A1CF: variants seen among roughly 807,000 people sequenced by gnomAD.
The protein encoded by A1CF is APOBEC1 complementation factor, also known as APOBEC-1 stimulating protein.
In A1CF, 48 loss-of-function variants were observed where a neutral mutation model predicts 68.9. That is an observed-to-expected ratio of 0.70 (90% CI 0.55 to 0.89). The LOEUF (loss-of-function observed/expected upper bound fraction) is 0.89. Ranked by LOEUF, A1CF falls within the 40% of genes least tolerant of loss-of-function variation. A1CF has a pLI of 0.00. For missense variants in A1CF, 653 were observed against 718.9 expected, an observed-to-expected ratio of 0.91 and a Z score of 1.05; for synonymous variants, 272 against 260.4, an observed-to-expected ratio of 1.04 and a Z score of -0.43.
chr10:50,844,084 A>G lies in A1CF; in HGVS notation c.138T>C (p.Gly46=), dbSNP rs1214213732. The change falls in exon 4 of 13, where the codon GGT becomes GGC. Residue 46 remains glycine, a synonymous_variant. Coordinates refer to ENST00000373997, the MANE Select transcript of A1CF (RefSeq NM_014576.4). ...GQRKYGGPPP[G]WDAAPPERGC... ...CCCTTTCAGGGGGTGCAGCATCCCAACCAGGTGGAGGGCCACCATATTTTC... is the reference window on the plus strand; with the variant it reads ...CCCTTTCAGGGGGTGCAGCATCCCAGCCAGGTGGAGGGCCACCATATTTTC... The G allele has an allele frequency of 3.7e-6, 6 of 1,612,834 alleles. No individual in the cohort carries two copies. The African/African-American group carries it at 8.0e-5, about 22-fold the overall frequency.
At chr10:50,845,743 T>TAGGA (rs1215142279) in intron 3 of A1CF, among the ~76,000 whole-genome samples, 1 of 152,046 alleles carries the variant, frequency 6.6e-6, no homozygotes, top group African/African-American at 2.4e-5. Context: ...GGCTTGAGTC[T>TAGGA]AGGAGTTCGA....
intron 7 of A1CF, chr10:50,823,663 G>T (rs746123822): frequency 1.3e-5 from 2 of 152,108 alleles, no homozygotes; most frequent in Non-Finnish European, 2.9e-5. Context: ...TTCTAATACT[G>T]CTAAACTCTT....
chr10:50,879,936 C>A (rs554593597), intron 1 of A1CF, among the ~76,000 whole-genome samples: 13 of 152,278 alleles, frequency 8.5e-5, no homozygotes, highest in Admixed American at 2.6e-4. Context: ...GAAGGTGAGA[C>A]TTGGAGTGAA....
intron 3 of A1CF, among the ~76,000 whole-genome samples, chr10:50,848,659 T>C (rs1408376093): frequency 6.6e-6 from 1 of 152,212 alleles, no homozygotes; most frequent in East Asian, 1.9e-4. Flanking sequence ...TTTGTGGTTC[T>C]CTTTGATTCT....
chr10:50,846,318 C>A (rs1245091574), intron 3 of A1CF, among the ~76,000 whole-genome samples: 3 of 152,118 alleles, frequency 2.0e-5, no homozygotes, highest in Non-Finnish European at 4.4e-5. Flanking sequence ...TGCAAAAATT[C>A]TAAAATTAAA....
intron 3 of A1CF, among the ~76,000 whole-genome samples, chr10:50,853,314 T>A (rs1336811382): frequency 6.6e-6 from 1 of 152,178 alleles, no homozygotes; most frequent in Non-Finnish European, 1.5e-5. Context: ...GCCTGTGTGC[T>A]CCATCTCCCA....
At chr10:50,836,863 A>G (rs1338382495) in intron 5 of A1CF, among the ~76,000 whole-genome samples, 1 of 152,010 alleles carries the variant, frequency 6.6e-6, no homozygotes, top group Non-Finnish European at 1.5e-5. Flanking sequence ...TACAAAGGAC[A>G]TGAACTCATC....
At chr10:50,880,386 A>G (rs551178195) in intron 1 of A1CF, among the ~76,000 whole-genome samples, 10 of 152,294 alleles carry the variant, frequency 6.6e-5, no homozygotes, top group Middle Eastern at 3.4e-3. Context: ...GAGTTAACCT[A>G]TGTGCCTGGC....
intron 1 of A1CF, among the ~76,000 whole-genome samples, chr10:50,868,192 C>G (rs149704560): frequency 3.3e-5 from 5 of 152,102 alleles, no homozygotes; most frequent in Non-Finnish European, 7.4e-5. Flanking sequence ...GGTTTTAGCA[C>G]GAATTTCAGC....
chr10:50,834,045 C>T (rs1839372758), intron 6 of A1CF, among the ~76,000 whole-genome samples: 1 of 152,140 alleles, frequency 6.6e-6, no homozygotes, highest in African/African-American at 2.4e-5. Context: ...TTGAAAATTT[C>T]TGAAGCTTAT....
rs990273018 is a variant in A1CF at position 50,805,772 on chromosome 10, G to T, written c.*957C>A. The T allele has an allele frequency of 6.6e-6, 1 of 152,180 alleles. No individual in the cohort carries two copies. The highest frequency in any genetic ancestry group is 1.5e-5 in the Non-Finnish European group (1 of 68,030). 9.4% of individuals were successfully genotyped at this position (152,180 alleles called of 1,614,324 possible). Reference sequence around the variant, plus strand: ...GATACTGCAACAATATCAAAGAAATGAGAGCAAATCTGCACTTCTCTCTTT... The same window carrying T: ...GATACTGCAACAATATCAAAGAAATTAGAGCAAATCTGCACTTCTCTCTTT... On this transcript the variant is annotated 3_prime_UTR_variant, in exon 13 of 13. Coordinates refer to ENST00000373997, the MANE Select transcript of A1CF (RefSeq NM_014576.4).
chr10:50,872,737 G>T (rs530552253), intron 1 of A1CF, among the ~76,000 whole-genome samples: 2 of 152,066 alleles, frequency 1.3e-5, no homozygotes, highest in African/African-American at 4.8e-5. Context: ...GGTGTGGGTG[G>T]ATTGTCTGAT....
intron 1 of A1CF, among the ~76,000 whole-genome samples, chr10:50,876,710 T>A (rs557061300): frequency 6.6e-6 from 1 of 152,302 alleles, no homozygotes; most frequent in Admixed American, 6.5e-5. Context: ...GAACTATGCA[T>A]GGGCTCCCCT....
At chr10:50,808,716 G>A (rs368302874) in intron 12 of A1CF, among the ~76,000 whole-genome samples, 2 of 152,136 alleles carry the variant, frequency 1.3e-5, no homozygotes, top group Admixed American at 1.3e-4. Context: ...GTCACTTTCA[G>A]ATGTGAAACA....
chr10:50,857,714 A>G (rs1168788925), intron 3 of A1CF, among the ~76,000 whole-genome samples: 4 of 152,192 alleles, frequency 2.6e-5, no homozygotes, highest in African/African-American at 9.6e-5. Flanking sequence ...TCTCACTGTG[A>G]ACAATGGGTT....
Position 50,874,552 on chromosome 10 carries a change from C to T in A1CF, c.-93-10472G>A, listed in dbSNP as rs1189430666. On this transcript the variant is annotated intron_variant, in intron 1 of 12. Transcript: ENST00000373997. The stretch of plus-strand genomic sequence containing the variant: ...CTGTGCACATCTTGTTGCAATAGTA[C>T]GAGATTTAACTGCAAACGTTCTTAA... 9.9e-5 allele frequency among the ~76,000 whole-genome samples: 15 copies of T among 152,234 alleles called. No individual in the cohort carries two copies. The South Asian group carries it at 2.5e-3, about 25-fold the overall frequency.
chr10:50,827,213 A>T (rs1276223342), intron 7 of A1CF, among the ~76,000 whole-genome samples: 1 of 152,212 alleles, frequency 6.6e-6, no homozygotes, highest in East Asian at 1.9e-4. Context: ...TGTCAACATT[A>T]GACAGATCAA....
At chr10:50,862,182 A>C (rs555872877) in intron 2 of A1CF, among the ~76,000 whole-genome samples, 1 of 152,134 alleles carries the variant, frequency 6.6e-6, no homozygotes, top group East Asian at 1.9e-4. Flanking sequence ...CCTGCCCAAC[A>C]TGGTGAAACC....
At position 50,828,226 on chromosome 10, in the gene A1CF, T is replaced by A. The variant is rs780157411; in HGVS notation, c.674A>T (p.Asp225Val). 2 of 1,608,304 alleles carry A rather than the reference T, an allele frequency of 1.2e-6. No homozygotes were observed. Among genetic ancestry groups the A allele is most frequent in the Non-Finnish European group, 1.7e-6 (2 of 1,175,930 alleles). ...WAEPEVEVDE[D>V]TMSSVKILYV... ...TAGGATTTTCACTGAAGACATTGTA[T>A]CTTCATCAACTTCTACTTCTGGCTC... The change falls in exon 7 of 13, where the codon GAT (aspartate) becomes GTT (valine). Residue 225 changes from aspartate to valine, a missense_variant. Asp to Val is a radical substitution (Grantham distance 152, BLOSUM62 -3). Coordinates refer to ENST00000373997, the MANE Select transcript of A1CF (RefSeq NM_014576.4).
Sources: allele counts gnomAD v4.1 joint callset (sites outside exome capture counted in the v4.1 genomes callset), GRCh38; gene constraint gnomAD v4.1.1; transcripts MANE v1.5; gene names NCBI Gene and HGNC (gene_info 2026-07-23, HGNC 2026-07-21).